Variants in FGD6 observed in about 807,000 individuals in gnomAD.
FGD6 encodes FYVE, RhoGEF and PH domain-containing protein 6.
FGD6 carries 90 observed loss-of-function variants against 149.4 expected under a neutral mutation model. The ratio of observed to expected loss-of-function variants is 0.60; its 90% CI spans 0.51 to 0.72. The LOEUF is 0.72. Ranked by LOEUF, FGD6 falls within the 30% of genes least tolerant of loss-of-function variation. The pLI, the probability that FGD6 is intolerant of heterozygous loss-of-function variation, is 0.00. For synonymous variants in FGD6, 527 were observed against 584.0 expected, an observed-to-expected ratio of 0.90 and a Z score of 1.41; for missense variants, 1,437 against 1,684.8, an observed-to-expected ratio of 0.85 and a Z score of 2.57.
chr12:95,191,850 C>T (rs1881597667), intron 2 of FGD6, among the ~76,000 whole-genome samples: 2 of 152,186 alleles, frequency 1.3e-5, no homozygotes, highest in South Asian at 2.1e-4. Flanking sequence ...ATTCTCCTGC[C>T]TCAGCCTCCC....
At chr12:95,116,484 G>A (rs1879018570) in intron 8 of FGD6, among the ~76,000 whole-genome samples, 1 of 152,054 alleles carries the variant, frequency 6.6e-6, no homozygotes, top group Non-Finnish European at 1.5e-5. Flanking sequence ...AACCAAAAGG[G>A]CTCCCCAGAA....
In FGD6 at chr12:95,208,893, A is replaced by G. The variant is rs1282419333; in HGVS notation, c.2391T>C (p.Tyr797=). 8 of 1,614,074 alleles carry G rather than the reference A, an allele frequency of 5.0e-6. No homozygotes were observed. Among genetic ancestry groups the G allele is most frequent in the South Asian group, 1.1e-5 (1 of 91,074 alleles). The change falls in exon 2 of 21, where the codon TAT becomes TAC. Residue 797 remains tyrosine (Y), a synonymous_variant. Transcript: ENST00000343958. ...DANVYEVEEP[Y]EAPDGQLQLG... ...GCTGCAGCTGGCCATCTGGAGCTTCATACGGCTCTTCTACCTCATACACAT... is the reference window on the plus strand; with the variant it reads ...GCTGCAGCTGGCCATCTGGAGCTTCGTACGGCTCTTCTACCTCATACACAT...
chr12:95,105,721 G>T lies in FGD6; in HGVS notation c.3418-635C>A, dbSNP rs530141939. Among the ~76,000 whole-genome samples the T allele has an allele frequency of 2.0e-5, 3 of 152,280 alleles. No homozygotes were observed. The East Asian group carries it at 5.8e-4, about 29-fold the overall frequency. ...TGAGTGAACAAATGACTACATGAAT[G>T]AATAATCAAATGCATAAACAGGCAG... On this transcript the variant is annotated intron_variant, in intron 13 of 20. Coordinates refer to ENST00000343958, the MANE Select transcript of FGD6 (RefSeq NM_018351.4).
At chr12:95,127,210 C>T (rs1444851067) in intron 8 of FGD6, among the ~76,000 whole-genome samples, 1 of 151,736 alleles carries the variant, frequency 6.6e-6, no homozygotes, top group East Asian at 1.9e-4. Flanking sequence ...AAAATAAATA[C>T]TTGCTAAACA....
chr12:95,107,710 C>T (rs1305100800), intron 11 of FGD6, 79 bp from the exon 12 acceptor site: 2 of 1,499,754 alleles, frequency 1.3e-6, no homozygotes, highest in Non-Finnish European at 1.8e-6. Flanking sequence ...CAACTTTCTT[C>T]CCTGAGAATT....
rs1479632699 is a variant in FGD6, at chr12:95,079,429, T to G, written c.*2091A>C. 6.6e-6 allele frequency: 1 copy of G among 152,232 alleles called. No individual in the cohort carries two copies. Among genetic ancestry groups the G allele is most frequent in the Non-Finnish European group, 1.5e-5 (1 of 68,052 alleles). The allele number at this position is 152,232 out of a possible 1,614,324, so 9.4% of individuals were successfully genotyped here. On this transcript the variant is annotated 3_prime_UTR_variant, in exon 21 of 21. Transcript: ENST00000343958. ...GAAGATAGAATAGCCTGGCTGATATTTTTTAGATTATAAGGCTTAAGCCAA... is the reference window on the plus strand; with the variant it reads ...GAAGATAGAATAGCCTGGCTGATATGTTTTAGATTATAAGGCTTAAGCCAA...
chr12:95,189,930 G>A lies in FGD6; in HGVS notation c.2442-17186C>T, dbSNP rs144762587. Among the ~76,000 whole-genome samples, 489 of 152,060 alleles carry A rather than the reference G, an allele frequency of 3.2e-3. 1 individual carries two copies. The highest frequency in any genetic ancestry group is 0.021 in the Middle Eastern group (6 of 292). On this transcript the variant is annotated intron_variant, in intron 2 of 20. Transcript: ENST00000343958. ...ACCTTTCAGATCTTTAATATTCTTCGCTTGTTAGTACTAACTTTCATTGTA... is the reference window on the plus strand; with the variant it reads ...ACCTTTCAGATCTTTAATATTCTTCACTTGTTAGTACTAACTTTCATTGTA...
chr12:95,158,945 T>C (rs1244105456), intron 3 of FGD6, among the ~76,000 whole-genome samples: 1 of 152,116 alleles, frequency 6.6e-6, no homozygotes, highest in East Asian at 1.9e-4. Flanking sequence ...ACCAAAACCA[T>C]TCAGGGAACT....
chr12:95,107,922 A>C (rs1479141935), intron 11 of FGD6, among the ~76,000 whole-genome samples: 1 of 152,094 alleles, frequency 6.6e-6, no homozygotes, highest in Non-Finnish European at 1.5e-5. Flanking sequence ...CATCCTGACA[A>C]CCGCATTTTG....
intron 2 of FGD6, among the ~76,000 whole-genome samples, chr12:95,199,486 T>C (rs1317846676): frequency 6.6e-6 from 1 of 152,168 alleles, no homozygotes; most frequent in African/African-American, 2.4e-5. Flanking sequence ...ATACCTGGAC[T>C]TGTAAACGAT....
Position 95,164,714 on chromosome 12 carries a change from A to C in FGD6, c.2586+7886T>G, listed in dbSNP as rs1249041614. 3.9e-5 allele frequency among the ~76,000 whole-genome samples: 6 copies of C among 152,166 alleles called. No homozygotes were observed. The East Asian group carries it at 1.2e-3, about 29-fold the overall frequency. On this transcript the variant is annotated intron_variant, in intron 3 of 20. Transcript: ENST00000343958. ...CCATAGTGCTGGGATTACAGGCAGGAGGCACCATGCCCAGCCTATCCATTA... is the reference window on the plus strand; with the variant it reads ...CCATAGTGCTGGGATTACAGGCAGGCGGCACCATGCCCAGCCTATCCATTA...
intron 20 of FGD6, among the ~76,000 whole-genome samples, chr12:95,083,030 T>TATATACACACACACACACACACACACAC (rs772685891): frequency 5.3e-5 from 3 of 56,578 alleles, no homozygotes; most frequent in African/African-American, 8.1e-5. Context: ...TATATATATA[T>TATATACACACACACACACACACACACAC]ACACACACAT....
chr12:95,208,788 T>G, intron 2 of FGD6, 55 bp downstream of exon 2: 1 of 1,543,292 alleles, frequency 6.5e-7, no homozygotes, highest in Non-Finnish European at 8.7e-7. Context: ...CTCACCAGGC[T>G]GTTGAAGGTT....
At chr12:95,101,286 G>A (rs1244884113) in intron 14 of FGD6, among the ~76,000 whole-genome samples, 2 of 152,128 alleles carry the variant, frequency 1.3e-5, no homozygotes, top group African/African-American at 4.8e-5. Context: ...GGTGGAGGTT[G>A]CAGTGAGCCA....
At chr12:95,157,363 T>TA (rs1191719516) in intron 3 of FGD6, among the ~76,000 whole-genome samples, 1 of 152,082 alleles carries the variant, frequency 6.6e-6, no homozygotes. Flanking sequence ...GGTCAGGAGA[T>TA]AGAGACCAGC....
At chr12:95,092,918 C>T in intron 15 of FGD6, 73 bp from the exon 16 acceptor site, 3 of 1,510,190 alleles carry the variant, frequency 2.0e-6, no homozygotes, top group Non-Finnish European at 1.8e-6. Flanking sequence ...TGGCATCTCA[C>T]ACTACCAAGA....
intron 3 of FGD6, among the ~76,000 whole-genome samples, chr12:95,158,960 C>G (rs1880560788): frequency 6.6e-6 from 1 of 152,024 alleles, no homozygotes. Context: ...GGAACTGAAG[C>G]CCTGACTCTT....
intron 3 of FGD6, among the ~76,000 whole-genome samples, chr12:95,167,939 T>C (rs527251835): frequency 7.8e-4 from 118 of 152,232 alleles, no homozygotes; most frequent in Non-Finnish European, 1.4e-3. Context: ...TTAGTTTTTG[T>C]GTATGTTGAA....
At chr12:95,195,615 A>T (rs575400059) in intron 2 of FGD6, among the ~76,000 whole-genome samples, 1 of 150,096 alleles carries the variant, frequency 6.7e-6, no homozygotes, top group Admixed American at 6.7e-5. Context: ...AAAAAAAATT[A>T]CAAATTCATT....
Sources: allele counts gnomAD v4.1 joint callset (sites outside exome capture counted in the v4.1 genomes callset), GRCh38; gene constraint gnomAD v4.1.1; transcripts MANE v1.5; gene names NCBI Gene and HGNC (gene_info 2026-07-23, HGNC 2026-07-21).